Variants in DISP1 observed in about 807,000 individuals in gnomAD.
DISP1 encodes dispatched RND transporter family member 1.
In DISP1, 30 loss-of-function variants were observed where a neutral mutation model predicts 37.3. The ratio of observed to expected loss-of-function variants is 0.80; its 90% confidence interval spans 0.60 to 1.09. The LOEUF (loss-of-function observed/expected upper bound fraction) is 1.09. DISP1 is among the 50% of genes least tolerant of loss of function. The pLI is 0.00. For missense variants in DISP1, 1,598 were observed against 1,879.5 expected, an observed-to-expected ratio of 0.85 and a Z score of 2.77; for synonymous variants, 634 against 690.2, an observed-to-expected ratio of 0.92 and a Z score of 1.28.
At chr1:222,823,423 ATAACT>A (rs1663455680) in intron 1 of DISP1, among the ~76,000 whole-genome samples, 1 of 152,228 alleles carries the variant, frequency 6.6e-6, no homozygotes, top group African/African-American at 2.4e-5. Context: ...CTTAAGAGAA[ATAACT>A]TAGAAAGTCA....
At position 222,882,536 on chromosome 1, in the gene DISP1, T is replaced by C. The variant is rs181758428; in HGVS notation, c.-158-45894T>C. 3.2e-3 allele frequency among the ~76,000 whole-genome samples: 482 copies of C among 152,308 alleles called. 5 individuals carry two copies. The highest frequency in any genetic ancestry group is 6.8e-3 in the Middle Eastern group (2 of 294). ...TAAAAGTATTTTTGTCTAGAAATATTACAAATTTGCAGGTTAATTTAAAGG... is the reference window on the plus strand; with the variant it reads ...TAAAAGTATTTTTGTCTAGAAATATCACAAATTTGCAGGTTAATTTAAAGG... On this transcript the variant is annotated intron_variant, in intron 1 of 8. Transcript: ENST00000675850.
intron 1 of DISP1, among the ~76,000 whole-genome samples, chr1:222,889,018 A>T (rs1456261219): frequency 6.6e-6 from 1 of 152,124 alleles, no homozygotes; most frequent in East Asian, 1.9e-4. Flanking sequence ...ATCATCTCAA[A>T]CATTTATCAG....
chr1:222,821,389 T>C (rs771393339), intron 1 of DISP1, among the ~76,000 whole-genome samples: 1 of 152,244 alleles, frequency 6.6e-6, no homozygotes, highest in Admixed American at 6.5e-5. Context: ...TCTGGGATGA[T>C]GCATCATAAG....
At chr1:222,949,436 A>C (rs967877351) in intron 3 of DISP1, among the ~76,000 whole-genome samples, 16 of 152,086 alleles carry the variant, frequency 1.1e-4, no homozygotes, top group African/African-American at 3.4e-4. Context: ...TGCAAGGATC[A>C]CATTTAATAT....
At chr1:222,864,223 A>T (rs982369448) in intron 1 of DISP1, among the ~76,000 whole-genome samples, 6 of 152,220 alleles carry the variant, frequency 3.9e-5, no homozygotes, top group Non-Finnish European at 5.9e-5. Context: ...ACCTGGCTCC[A>T]TGGTATTGTT....
At chr1:222,928,835 C>G (rs1008695701) in intron 2 of DISP1, among the ~76,000 whole-genome samples, 13 of 151,832 alleles carry the variant, frequency 8.6e-5, no homozygotes, top group African/African-American at 2.9e-4. Context: ...AATGTCATGT[C>G]TTTGTGAAGT....
chr1:222,909,343 G>A lies in DISP1; in HGVS notation c.-158-19087G>A, dbSNP rs537221149. On this transcript the variant is annotated intron_variant, in intron 1 of 8. Coordinates refer to ENST00000675850, the MANE Select transcript of DISP1 (RefSeq NM_001377229.1). ...TTTAAAGCTCATTATGAATAACCCA[G>A]GATTTATTACATTCATTTGGATAAA... Among the ~76,000 whole-genome samples the A allele has an allele frequency of 1.1e-4, 16 of 152,138 alleles. No individual in the cohort carries two copies. In the East Asian group the frequency reaches 2.9e-3, roughly 28 times the overall value.
chr1:222,894,369 C>T (rs912920846), intron 1 of DISP1, among the ~76,000 whole-genome samples: 4 of 152,308 alleles, frequency 2.6e-5, no homozygotes, highest in Middle Eastern at 3.4e-3. Flanking sequence ...CTGAGCCACC[C>T]TCAGTGCCCC....
chr1:222,938,066 G>T (rs1333812007), intron 2 of DISP1, among the ~76,000 whole-genome samples: 1 of 151,804 alleles, frequency 6.6e-6, no homozygotes, highest in South Asian at 2.1e-4. Context: ...TAGAGACAAG[G>T]TCTCACTATA....
intron 4 of DISP1, among the ~76,000 whole-genome samples, chr1:222,983,432 C>A (rs1031047866): frequency 6.6e-6 from 1 of 152,032 alleles, no homozygotes; most frequent in Non-Finnish European, 1.5e-5. Flanking sequence ...GCCTGGCCAA[C>A]ATGGCAAAAC....
At chr1:222,819,179 T>C (rs959350604) in intron 1 of DISP1, among the ~76,000 whole-genome samples, 2 of 152,190 alleles carry the variant, frequency 1.3e-5, no homozygotes, top group African/African-American at 4.8e-5. Context: ...GCTCCAGCCA[T>C]GTAGGACACA....
At chr1:222,860,855 A>G (rs1201491944) in intron 1 of DISP1, among the ~76,000 whole-genome samples, 1 of 152,150 alleles carries the variant, frequency 6.6e-6, no homozygotes, top group Non-Finnish European at 1.5e-5. Flanking sequence ...CCTGGGAGAC[A>G]GAGTGAGACT....
chr1:222,920,645 T>C (rs1173577296), intron 1 of DISP1, among the ~76,000 whole-genome samples: 2 of 152,186 alleles, frequency 1.3e-5, no homozygotes, highest in Non-Finnish European at 2.9e-5. Flanking sequence ...TTAAAAACTT[T>C]TCTTTATAGT....
chr1:222,903,640 A>T (rs1671738912), intron 1 of DISP1, among the ~76,000 whole-genome samples: 1 of 152,266 alleles, frequency 6.6e-6, no homozygotes, highest in East Asian at 1.9e-4. Flanking sequence ...GACTGTCTTT[A>T]AAGAGCTCAT....
chr1:223,001,476 C>T (rs987277980), intron 8 of DISP1, among the ~76,000 whole-genome samples: 1 of 152,178 alleles, frequency 6.6e-6, no homozygotes, highest in Non-Finnish European at 1.5e-5. Context: ...TTCTTGACAT[C>T]AGCACTTTTG....
intron 2 of DISP1, among the ~76,000 whole-genome samples, chr1:222,938,733 TAAAAAAAAAAAAAA>T (rs33948431): frequency 3.5e-5 from 2 of 57,620 alleles, no homozygotes; most frequent in Non-Finnish European, 6.1e-5. Flanking sequence ...ACCCTGTCTT[TAAAAAAAAAAAAAA>T]AAAAAAAAAA....
chr1:222,940,314 A>G (rs1048500035), intron 2 of DISP1, among the ~76,000 whole-genome samples: 3 of 152,054 alleles, frequency 2.0e-5, no homozygotes, highest in African/African-American at 7.2e-5. Context: ...AGAAGGAGAA[A>G]GTTGGCCGGG....
At chr1:222,863,181 A>G (rs923492392) in intron 1 of DISP1, among the ~76,000 whole-genome samples, 2 of 152,074 alleles carry the variant, frequency 1.3e-5, no homozygotes, top group African/African-American at 4.8e-5. Flanking sequence ...AGTTGTATCC[A>G]CAGGGTATTT....
intron 1 of DISP1, among the ~76,000 whole-genome samples, chr1:222,927,477 A>T (rs1397242688): frequency 1.3e-5 from 2 of 152,108 alleles, no homozygotes; most frequent in African/African-American, 4.8e-5. Context: ...TGACGTGCAA[A>T]TATTTTCTCC....
Sources: gnomAD v4.1 joint callset for allele counts (sites outside exome capture counted in the v4.1 genomes callset) on GRCh38, gnomAD v4.1.1 for gene constraint, MANE v1.5 for transcripts, NCBI Gene and HGNC (gene_info 2026-07-23, HGNC 2026-07-21) for gene names.